Variants in IL1RAPL1 observed in about 807,000 individuals in gnomAD.
IL1RAPL1 encodes the protein interleukin 1 receptor accessory protein like 1.
IL1RAPL1 carries 3 observed loss-of-function variants against 48.4 expected under a neutral mutation model. The observed-to-expected ratio is 0.06, with a 90% CI of 0.03 to 0.16. IL1RAPL1 has a LOEUF of 0.16. Ranked by LOEUF, IL1RAPL1 falls within the 10% of genes least tolerant of loss-of-function variation. The pLI, the probability that IL1RAPL1 is intolerant of heterozygous loss-of-function variation, is 1.00. For missense variants in IL1RAPL1, 349 were observed against 530.6 expected, an observed-to-expected ratio of 0.66 and a Z score of 3.36; for synonymous variants, 185 against 187.7, an observed-to-expected ratio of 0.99 and a Z score of 0.12.
intron 2 of IL1RAPL1, among the ~76,000 whole-genome samples, chrX:28,914,637 G>A (rs768072871): frequency 9.0e-6 from 1 of 111,469 alleles, no homozygotes; most frequent in South Asian, 3.8e-4. Flanking sequence ...CTACCTGTAC[G>A]ACACATTGTT....
At chrX:28,929,848 A>G (rs1923835062) in intron 2 of IL1RAPL1, among the ~76,000 whole-genome samples, 1 of 112,412 alleles carries the variant, frequency 8.9e-6, no homozygotes, top group Admixed American at 9.4e-5. Flanking sequence ...AACCTCATCA[A>G]TAGTTTTTCC....
chrX:29,421,694 A>G (rs1021228228), intron 5 of IL1RAPL1, among the ~76,000 whole-genome samples: 4 of 111,719 alleles, frequency 3.6e-5, no homozygotes, highest in Non-Finnish European at 5.6e-5. Context: ...CTGTCCTTTA[A>G]TGTAGTATTA....
Position 29,503,996 on chromosome X carries a change from G to T in IL1RAPL1, c.703+104688G>T, listed in dbSNP as rs183891332. On this transcript the variant is annotated intron_variant, in intron 5 of 10. Coordinates refer to ENST00000378993, the MANE Select transcript of IL1RAPL1 (RefSeq NM_014271.4). ...TTGGTATAGAGTCTTGCTCTGTCAAGTGCAGACTTGACAGAGTGCAGTGGC... is the reference window on the plus strand; with the variant it reads ...TTGGTATAGAGTCTTGCTCTGTCAATTGCAGACTTGACAGAGTGCAGTGGC... Among the ~76,000 whole-genome samples the T allele has an allele frequency of 5.6e-4, 56 of 100,274 alleles. No homozygotes were observed. The East Asian group carries it at 0.017, about 31-fold the overall frequency. The allele number at this position is 100,274 out of a possible 115,157, so 87.1% of individuals were successfully genotyped here. A position where few individuals can be genotyped will look rare whatever the true frequency, so the allele number is the denominator to read the frequency against.
chrX:28,652,830 AAT>A (rs1336935591), intron 1 of IL1RAPL1, among the ~76,000 whole-genome samples: 5 of 110,332 alleles, frequency 4.5e-5, no homozygotes, highest in African/African-American at 1.3e-4. Context: ...CATGGAGGAA[AAT>A]ATATATCAAC....
intron 2 of IL1RAPL1, among the ~76,000 whole-genome samples, chrX:29,155,760 A>G (rs754337853): frequency 9.0e-6 from 1 of 111,690 alleles, no homozygotes; most frequent in East Asian, 2.8e-4. Flanking sequence ...ATTTTGTTAC[A>G]GTCTACCTTT....
chrX:28,982,690 G>T (rs1268421020), intron 2 of IL1RAPL1, among the ~76,000 whole-genome samples: 1 of 111,800 alleles, frequency 8.9e-6, no homozygotes, highest in Non-Finnish European at 1.9e-5. Flanking sequence ...GGATCATAAG[G>T]TAAGTGCCGA....
chrX:29,341,524 T>A (rs772098474), intron 3 of IL1RAPL1, among the ~76,000 whole-genome samples: 1 of 111,637 alleles, frequency 9.0e-6, no homozygotes, highest in East Asian at 2.8e-4. Context: ...TGACTAAACT[T>A]GAAAGTGAAG....
intron 6 of IL1RAPL1, among the ~76,000 whole-genome samples, chrX:29,819,608 A>T (rs1297566248): frequency 1.8e-5 from 2 of 110,805 alleles, no homozygotes. Context: ...TATTGCTAAT[A>T]TTAAGAATTC....
At chrX:29,356,055 TTAAC>T (rs1260928642) in intron 3 of IL1RAPL1, among the ~76,000 whole-genome samples, 1 of 111,852 alleles carries the variant, frequency 8.9e-6, no homozygotes, top group African/African-American at 3.2e-5. Context: ...TTTGAAATCA[TTAAC>T]TATGTGTTCT....
At chrX:29,829,286 T>C (rs1930817816) in intron 6 of IL1RAPL1, among the ~76,000 whole-genome samples, 1 of 109,728 alleles carries the variant, frequency 9.1e-6, no homozygotes, top group Admixed American at 9.8e-5. Flanking sequence ...GGTTTCCATT[T>C]AAACTGTATT....
intron 6 of IL1RAPL1, among the ~76,000 whole-genome samples, chrX:29,839,845 C>T (rs996830613): frequency 1.6e-4 from 18 of 111,973 alleles, no homozygotes; most frequent in Non-Finnish European, 5.6e-5. Context: ...CACTTGAGCC[C>T]AGAAGTTCAA....
At chrX:28,721,476 T>C (rs1208818282) in intron 1 of IL1RAPL1, among the ~76,000 whole-genome samples, 1 of 111,925 alleles carries the variant, frequency 8.9e-6, no homozygotes, top group Non-Finnish European at 1.9e-5. Context: ...TTGAGTTCTT[T>C]GTGGATTCTG....
chrX:28,950,073 G>A (rs1391544428), intron 2 of IL1RAPL1, among the ~76,000 whole-genome samples: 2 of 105,478 alleles, frequency 1.9e-5, no homozygotes, highest in African/African-American at 6.9e-5. Flanking sequence ...ATGGTTTTAG[G>A]TCTAACGTTT....
rs1293878662 is a variant in IL1RAPL1, at chrX:29,836,958, T to C, written c.779-80506T>C. On this transcript the variant is annotated intron_variant, in intron 6 of 10. Coordinates refer to ENST00000378993, the MANE Select transcript of IL1RAPL1 (RefSeq NM_014271.4). Reference sequence around the variant, plus strand: ...TCAACATATCATGCTGCCCTGTACATAAAAATTATAATGAAGGTGGGCCAG... The same window carrying C: ...TCAACATATCATGCTGCCCTGTACACAAAAATTATAATGAAGGTGGGCCAG... Among the ~76,000 whole-genome samples, 5 of 109,703 alleles carry C rather than the reference T, an allele frequency of 4.6e-5. No individual in the cohort carries two copies. In the East Asian group the frequency reaches 1.4e-3, roughly 32 times the overall value.
intron 6 of IL1RAPL1, among the ~76,000 whole-genome samples, chrX:29,878,443 C>T (rs1382051879): frequency 9.0e-6 from 1 of 111,545 alleles, no homozygotes; most frequent in Non-Finnish European, 1.9e-5. Flanking sequence ...ACCTCATTTG[C>T]GTGGTAGATG....
intron 2 of IL1RAPL1, among the ~76,000 whole-genome samples, chrX:29,065,807 C>T (rs1927440328): frequency 9.0e-6 from 1 of 111,617 alleles, no homozygotes; most frequent in African/African-American, 3.3e-5. Context: ...ACTCTTGAGC[C>T]CTTCTAGCAA....
At chrX:29,077,980 A>G (rs1013017515) in intron 2 of IL1RAPL1, among the ~76,000 whole-genome samples, 11 of 112,034 alleles carry the variant, frequency 9.8e-5, no homozygotes, top group African/African-American at 3.2e-4. Flanking sequence ...GAAAATCAAC[A>G]TAAAGAACAA....
chrX:29,687,961 GCA>G (rs1240156483), intron 6 of IL1RAPL1, among the ~76,000 whole-genome samples: 7 of 111,668 alleles, frequency 6.3e-5, no homozygotes, highest in African/African-American at 2.0e-4. Context: ...TATAACTCAG[GCA>G]CAGAGAGTCC....
chrX:28,605,237 C>T (rs938909427), intron 1 of IL1RAPL1, among the ~76,000 whole-genome samples: 1 of 112,350 alleles, frequency 8.9e-6, no homozygotes, highest in African/African-American at 3.2e-5. Flanking sequence ...TTTCCAAACA[C>T]ATATATCTAA....
Sources: gnomAD v4.1 joint callset for allele counts (sites outside exome capture counted in the v4.1 genomes callset) on GRCh38, gnomAD v4.1.1 for gene constraint, MANE v1.5 for transcripts, NCBI Gene and HGNC (gene_info 2026-07-23, HGNC 2026-07-21) for gene names.